The following RCAN2 variants were observed in gnomAD, a reference collection of about 807,000 sequenced individuals.
RCAN2 encodes the protein regulator of calcineurin 2, also known as calcipressin-2.
In RCAN2, 9 loss-of-function variants were observed where a neutral mutation model predicts 23.6. The ratio of observed to expected loss-of-function variants is 0.38; its 90% confidence interval spans 0.23 to 0.67. The LOEUF is 0.67. Ranked by LOEUF, RCAN2 falls within the 30% of genes least tolerant of loss-of-function variation. The probability of loss-of-function intolerance (pLI) is 0.51; values close to 1 mark genes in which losing one functional copy is unlikely to be tolerated. For synonymous variants in RCAN2, 109 were observed against 115.7 expected (o/e 0.94, Z 0.37); for missense variants, 273 against 302.3 (o/e 0.90, Z 0.72).
intron 2 of RCAN2, among the ~76,000 whole-genome samples, chr6:46,369,783 G>T (rs1027935083): frequency 3.3e-5 from 5 of 152,218 alleles, no homozygotes; most frequent in African/African-American, 4.8e-5. Context: ...ATGCTTTAGA[G>T]ATTAAAATTG....
chr6:46,431,770 C>T (rs1230752071), intron 2 of RCAN2, among the ~76,000 whole-genome samples: 1 of 152,146 alleles, frequency 6.6e-6, no homozygotes. Flanking sequence ...CTAGAGTGTC[C>T]ATTGGTTTAT....
chr6:46,453,855 G>C (rs949816468), intron 2 of RCAN2, among the ~76,000 whole-genome samples: 1 of 152,194 alleles, frequency 6.6e-6, no homozygotes, highest in South Asian at 2.1e-4. Context: ...AATGATTTCA[G>C]AAGCAGGCTG....
chr6:46,404,780 A>G (rs576091209), intron 2 of RCAN2, among the ~76,000 whole-genome samples: 21 of 152,344 alleles, frequency 1.4e-4, no homozygotes, highest in Admixed American at 4.6e-4. Context: ...ATATGATATC[A>G]TCAGATTTCT....
At chr6:46,302,142 G>A (rs370887255) in intron 2 of RCAN2, among the ~76,000 whole-genome samples, 1 of 151,972 alleles carries the variant, frequency 6.6e-6, no homozygotes, top group African/African-American at 2.4e-5. Context: ...GAAATCAATA[G>A]GACTTGCTGA....
rs138379526 is a variant in RCAN2, at chr6:46,286,152, A to G, written c.226-37256T>C. ...AGTGAACTGTAACCTAACTGAATGT[A>G]TAAACAGACTATAAACTCCAGTCAG... On this transcript the variant is annotated intron_variant, in intron 2 of 4. Coordinates refer to ENST00000371374, the MANE Select transcript of RCAN2 (RefSeq NM_001251974.2). 4.1e-3 allele frequency among the ~76,000 whole-genome samples: 624 copies of G among 152,348 alleles called. 4 individuals carry two copies. The highest frequency in any genetic ancestry group is 0.014 in the African/African-American group (588 of 41,572).
chr6:46,322,593 G>T (rs1481354245), intron 2 of RCAN2, among the ~76,000 whole-genome samples: 1 of 152,244 alleles, frequency 6.6e-6, no homozygotes, highest in Non-Finnish European at 1.5e-5. Context: ...TATGAAGGAG[G>T]CCTGCTGGTT....
chr6:46,304,830 C>G (rs887019160), intron 2 of RCAN2, among the ~76,000 whole-genome samples: 1 of 152,036 alleles, frequency 6.6e-6, no homozygotes, highest in Non-Finnish European at 1.5e-5. Context: ...CATGCTCTTT[C>G]GTTAAAGACA....
Position 46,389,241 on chromosome 6 carries a change from C to G in RCAN2, c.225+67511G>C, listed in dbSNP as rs564172567. Among the ~76,000 whole-genome samples the G allele has an allele frequency of 2.0e-5, 3 of 152,334 alleles. No individual in the cohort carries two copies. In the South Asian group the frequency reaches 6.2e-4, roughly 32 times the overall value. On this transcript the variant is annotated intron_variant, in intron 2 of 4. Coordinates refer to ENST00000371374, the MANE Select transcript of RCAN2 (RefSeq NM_001251974.2). ...TGCAAGCTTCAGCTTAATCTCCCAT[C>G]ACTACTGTCTCTTTCTTTGCATTCT...
intron 2 of RCAN2, among the ~76,000 whole-genome samples, chr6:46,264,266 G>A (rs920149078): frequency 8.5e-5 from 13 of 152,184 alleles, no homozygotes; most frequent in East Asian, 1.9e-4. Flanking sequence ...GAAGACAGGC[G>A]ATTTAAAATT....
intron 2 of RCAN2, among the ~76,000 whole-genome samples, chr6:46,379,595 C>T (rs1194676353): frequency 1.3e-5 from 2 of 152,152 alleles, no homozygotes; most frequent in Non-Finnish European, 2.9e-5. Context: ...GCTCTAAAAA[C>T]CATTCTCATT....
At chr6:46,344,344 T>C (rs1185808756) in intron 2 of RCAN2, among the ~76,000 whole-genome samples, 2 of 152,132 alleles carry the variant, frequency 1.3e-5, no homozygotes, top group African/African-American at 4.8e-5. Flanking sequence ...ACAAAAAGTA[T>C]TCTTTACTGA....
intron 2 of RCAN2, among the ~76,000 whole-genome samples, chr6:46,398,799 A>C (rs1766162634): frequency 6.6e-6 from 1 of 152,094 alleles, no homozygotes; most frequent in Admixed American, 6.5e-5. Flanking sequence ...GTGATCAGTG[A>C]TTTAACTTTA....
At chr6:46,332,326 T>C (rs1236562453) in intron 2 of RCAN2, among the ~76,000 whole-genome samples, 3 of 152,198 alleles carry the variant, frequency 2.0e-5, no homozygotes, top group Non-Finnish European at 2.9e-5. Context: ...TTTTTTATTA[T>C]ACTTTAAGTT....
chr6:46,491,466 G>C (rs533516084), upstream of RCAN2: 2 of 152,166 alleles, frequency 1.3e-5, no homozygotes, highest in Non-Finnish European at 2.9e-5. Flanking sequence ...GGGCTGAGCC[G>C]GCGGCTCTCG....
intron 2 of RCAN2, among the ~76,000 whole-genome samples, chr6:46,376,399 A>G (rs1246693604): frequency 2.6e-5 from 4 of 152,238 alleles, no homozygotes; most frequent in Non-Finnish European, 5.9e-5. Flanking sequence ...GCCATCATTA[A>G]GAGTGGGCTC....
At chr6:46,239,924 AG>A (rs1766242814) in intron 4 of RCAN2, among the ~76,000 whole-genome samples, 2 of 152,198 alleles carry the variant, frequency 1.3e-5, no homozygotes, top group Non-Finnish European at 2.9e-5. Flanking sequence ...TTAATGGTTG[AG>A]AAAAAGAAGC....
chr6:46,479,269 A>C (rs1310755021), intron 1 of RCAN2, among the ~76,000 whole-genome samples: 1 of 152,228 alleles, frequency 6.6e-6, no homozygotes, highest in Non-Finnish European at 1.5e-5. Flanking sequence ...AAAACAATTT[A>C]GAATGCTTCC....
intron 2 of RCAN2, among the ~76,000 whole-genome samples, chr6:46,418,697 A>G (rs1354462940): frequency 5.5e-3 from 71 of 13,008 alleles, no homozygotes; most frequent in Admixed American, 0.015. Flanking sequence ...GTGTGTGTGT[A>G]TATATATATA....
chr6:46,279,506 GACA>G (rs1402673581), intron 2 of RCAN2, among the ~76,000 whole-genome samples: 2 of 152,174 alleles, frequency 1.3e-5, no homozygotes, highest in Non-Finnish European at 2.9e-5. Context: ...CCCTAATTGT[GACA>G]ACGTGTTTGC....
Sources: gnomAD v4.1 joint callset for allele counts (sites outside exome capture counted in the v4.1 genomes callset) on GRCh38, gnomAD v4.1.1 for gene constraint, MANE v1.5 for transcripts, NCBI Gene and HGNC (gene_info 2026-07-23, HGNC 2026-07-21) for gene names.